The following DNM1L variants were observed in gnomAD, a reference collection of about 807,000 sequenced individuals.
DNM1L encodes the protein dynamin 1L, also known as dynamin-1-like protein.
In DNM1L, 33 loss-of-function variants were observed where a neutral mutation model predicts 92.8. The observed-to-expected ratio is 0.36, with a 90% CI of 0.27 to 0.48. The LOEUF is 0.48. Ranked by LOEUF, DNM1L falls within the 20% of genes least tolerant of loss-of-function variation. The pLI is 0.99. For synonymous variants in DNM1L, 284 were observed against 305.0 expected (o/e 0.93, Z 0.72); for missense variants, 485 against 888.8 (o/e 0.55, Z 5.78).
intron 1 of DNM1L, among the ~76,000 whole-genome samples, chr12:32,684,177 G>A (rs1361027340): frequency 6.6e-6 from 1 of 152,080 alleles, no homozygotes; most frequent in Non-Finnish European, 1.5e-5. Context: ...CTGCCCATAA[G>A]CAGTCACCCC....
At chr12:32,738,241 T>C (rs1180938644) in intron 15 of DNM1L, 23 bp from the exon 16 acceptor site, 1 of 1,612,972 alleles carries the variant, frequency 6.2e-7, no homozygotes. Context: ...TTAAATTGCA[T>C]GTTTTAACAT....
At chr12:32,694,581 A>C (rs1952361763) in intron 1 of DNM1L, among the ~76,000 whole-genome samples, 1 of 152,244 alleles carries the variant, frequency 6.6e-6, no homozygotes, top group African/African-American at 2.4e-5. Context: ...AGTGGATTAA[A>C]TATCCATATT....
Position 32,679,363 on chromosome 12 carries a change from C to T in DNM1L, c.-1C>T, listed in dbSNP as rs151285821. Reference sequence around the variant, plus strand: ...CACTGGGGCCCCGTGTTTTCAGAGTCATGGAGGCGCTAATTCCTGTCATAA... The same window carrying T: ...CACTGGGGCCCCGTGTTTTCAGAGTTATGGAGGCGCTAATTCCTGTCATAA... On this transcript the variant is annotated 5_prime_UTR_variant, in exon 1 of 20. Coordinates refer to ENST00000549701, the MANE Select transcript of DNM1L (RefSeq NM_012062.5). 39 of 1,612,204 alleles carry T rather than the reference C, an allele frequency of 2.4e-5. No homozygotes were observed. In the African/African-American group the frequency reaches 4.7e-4, roughly 19 times the overall value.
intron 13 of DNM1L, 127 bp downstream of exon 13, chr12:32,733,934 A>C: frequency 1.2e-6 from 1 of 804,096 alleles, no homozygotes; most frequent in Non-Finnish European, 2.1e-6. Context: ...GCTGCATGTC[A>C]GGAAATATGC....
At chr12:32,739,765 G>A in intron 16 of DNM1L, 2 of 354,022 alleles carry the variant, frequency 5.6e-6, no homozygotes, top group Non-Finnish European at 1.1e-5. Context: ...GTGTTTGAAG[G>A]GTGGGAGAAG....
intron 1 of DNM1L, among the ~76,000 whole-genome samples, chr12:32,691,241 A>T (rs1952218778): frequency 1.3e-5 from 2 of 151,866 alleles, no homozygotes; most frequent in African/African-American, 2.4e-5. Flanking sequence ...CCAGCACCCC[A>T]GTAGCCTTGT....
At chr12:32,707,449 G>T in intron 3 of DNM1L, 36 bp downstream of exon 3, 2 of 1,449,422 alleles carry the variant, frequency 1.4e-6, no homozygotes, top group Non-Finnish European at 1.9e-6. Flanking sequence ...AAATAATGTT[G>T]AAAAAAATAT....
At chr12:32,730,028 C>G (rs1954444304) in intron 9 of DNM1L, among the ~76,000 whole-genome samples, 1 of 152,070 alleles carries the variant, frequency 6.6e-6, no homozygotes, top group Non-Finnish European at 1.5e-5. Context: ...AGTTATTAAA[C>G]AAGATAGGAA....
chr12:32,705,748 A>G (rs1014236917), intron 2 of DNM1L: 4 of 1,338,930 alleles, frequency 3.0e-6, no homozygotes, highest in Admixed American at 3.8e-5. Context: ...GTTTCTGCAC[A>G]TTTGAATTTT....
chr12:32,701,274 C>G, intron 1 of DNM1L, 141 bp from the exon 2 acceptor site: 1 of 700,646 alleles, frequency 1.4e-6, no homozygotes. Context: ...GAAACTCCGT[C>G]TCAAAAAAAA....
rs377273897 is a variant in DNM1L, at chr12:32,718,633, C to A, written c.620-10C>A. 2 of 1,612,512 alleles carry A rather than the reference C, an allele frequency of 1.2e-6. No homozygotes were observed. Among genetic ancestry groups the A allele is most frequent in the African/African-American group, 2.7e-5 (2 of 74,734 alleles). On this transcript the variant is annotated splice_polypyrimidine_tract_variant and intron_variant, in intron 6 of 19. Coordinates refer to ENST00000549701, the MANE Select transcript of DNM1L (RefSeq NM_012062.5). ...TTTTCTTTGCCCTTTTTTCTTTTTG[C>A]ATTTACCAGGTCGCAGAACCCTAGC...
chr12:32,718,027 AATATATACTATACATACT>A (rs1299932537), intron 6 of DNM1L, among the ~76,000 whole-genome samples: 1 of 126,062 alleles, frequency 7.9e-6, no homozygotes, highest in East Asian at 2.1e-4. Flanking sequence ...ATATATTATA[AATATATACTATACATACT>A]ATATATACTA....
chr12:32,744,817 A>ATATT lies in DNM1L; in HGVS notation c.*1409_*1412dup, dbSNP rs1300285464. 2 of 471,650 alleles carry ATATT rather than the reference A, an allele frequency of 4.2e-6. No homozygotes were observed. The highest frequency in any genetic ancestry group is 4.0e-5 in the African/African-American group (2 of 50,624). The allele number at this position is 471,650 out of a possible 1,614,324, so 29.2% of individuals were successfully genotyped here. Reference sequence around the variant, plus strand: ...TAGTGATGAGGTTTAGAACATATACATATTTTGTTAAAATTCCCCAGATGA... The same window carrying ATATT: ...TAGTGATGAGGTTTAGAACATATACATATTTATTTTGTTAAAATTCCCCAGATGA... On this transcript the variant is annotated 3_prime_UTR_variant, in exon 20 of 20. Transcript: ENST00000549701.
At chr12:32,682,471 C>T (rs1028962906) in intron 1 of DNM1L, among the ~76,000 whole-genome samples, 3 of 152,084 alleles carry the variant, frequency 2.0e-5, no homozygotes, top group African/African-American at 7.2e-5. Flanking sequence ...GATCCTGTCT[C>T]CAGAGATTTT....
chr12:32,697,675 G>A (rs139878535), intron 1 of DNM1L, among the ~76,000 whole-genome samples: 84 of 152,146 alleles, frequency 5.5e-4, no homozygotes, highest in Middle Eastern at 3.4e-3. Flanking sequence ...GGGTGGGTGA[G>A]GGTTGCAAGT....
chr12:32,697,983 AT>A (rs201116273), intron 1 of DNM1L, among the ~76,000 whole-genome samples: 320 of 147,654 alleles, frequency 2.2e-3, no homozygotes, highest in East Asian at 7.1e-3. Context: ...AGAGAATTTG[AT>A]TTTTTTTTTT....
rs1461247529 is a variant in DNM1L at position 32,744,268 on chromosome 12, C to CACTT, written c.*861_*864dup. 3 of 152,326 alleles carry CACTT rather than the reference C, an allele frequency of 2.0e-5. No individual in the cohort carries two copies. The highest frequency in any genetic ancestry group is 4.8e-5 in the African/African-American group (2 of 41,448). 9.4% of individuals were successfully genotyped at this position (152,326 alleles called of 1,614,324 possible). A position where few individuals can be genotyped will look rare whatever the true frequency, so the allele number is the denominator to read the frequency against. On this transcript the variant is annotated 3_prime_UTR_variant, in exon 20 of 20. Transcript: ENST00000549701. ...ATTAAGGTACATCTCTAAAGTGGAG[C>CACTT]ACTTACACCAGGCTCTAAGATTCAC...
At position 32,731,619 on chromosome 12, in the gene DNM1L, G is replaced by GTA. The variant is rs1954559309; in HGVS notation, c.1356+109_1356+110dup. ...TAAGATGGGATACAAGGTAAAATCT[G>GTA]TAGTTCCCTTACCTGAAAGTGATTT... is the stretch of plus-strand genomic sequence containing the variant. On this transcript the variant is annotated intron_variant, in intron 11 of 19. Transcript: ENST00000549701. This position sits in a 1 kb window ranked among gnomAD's most constrained non-coding sequence, Gnocchi z 5.1. 1 of 1,395,370 alleles carries GTA rather than the reference G, an allele frequency of 7.2e-7. No individual in the cohort carries two copies. The highest frequency in any genetic ancestry group is 1.4e-5 in the African/African-American group (1 of 70,686). The allele number at this position is 1,395,370 out of a possible 1,614,324, so 86.4% of individuals were successfully genotyped here.
At chr12:32,707,460 A>G in intron 3 of DNM1L, 47 bp downstream of exon 3, 7 of 1,342,724 alleles carry the variant, frequency 5.2e-6, no homozygotes, top group Non-Finnish European at 7.3e-6. Context: ...AAAAAAATAT[A>G]TTGTATGAAT....
Sources: gnomAD v4.1 joint callset for allele counts (sites outside exome capture counted in the v4.1 genomes callset) on GRCh38, gnomAD v4.1.1 for gene constraint, Gnocchi (gnomAD v3.1) non-coding constraint, MANE v1.5 for transcripts, NCBI Gene and HGNC (gene_info 2026-07-23, HGNC 2026-07-21) for gene names.